Variants in PPP3R1 observed in about 807,000 individuals in gnomAD.
PPP3R1 encodes the protein calcineurin subunit B type 1.
A neutral mutation model predicts 22.6 loss-of-function variants in PPP3R1; 5 were observed. The ratio of observed to expected loss-of-function variants is 0.22; its 90% confidence interval spans 0.12 to 0.46. PPP3R1 has a LOEUF of 0.46. PPP3R1 is among the 20% of genes least tolerant of loss of function. The pLI is 0.99. For missense variants in PPP3R1, 61 were observed against 203.2 expected, an observed-to-expected ratio of 0.30 and a Z score of 4.25; for synonymous variants, 56 against 65.2, an observed-to-expected ratio of 0.86 and a Z score of 0.68.
chr2:68,181,185 C>G (rs1381871005), intron 5 of PPP3R1, among the ~76,000 whole-genome samples, 175 bp from the exon 6 acceptor site: 2 of 152,046 alleles, frequency 1.3e-5, no homozygotes, highest in African/African-American at 4.8e-5. Context: ...GTCAGGAGAT[C>G]GAGACCATCC....
intron 2 of PPP3R1, among the ~76,000 whole-genome samples, chr2:68,194,832 A>T (rs1422871588): frequency 1.3e-5 from 2 of 152,162 alleles, no homozygotes; most frequent in Non-Finnish European, 2.9e-5. Flanking sequence ...AGTAGAAAAA[A>T]GCAACAAGAC....
intron 1 of PPP3R1, among the ~76,000 whole-genome samples, chr2:68,247,871 C>G (rs1003363265): frequency 6.6e-6 from 1 of 152,192 alleles, no homozygotes. Flanking sequence ...ATCCTTCTGT[C>G]TCATATAAAT....
At chr2:68,190,810 T>C (rs957604130) in intron 2 of PPP3R1, among the ~76,000 whole-genome samples, 3 of 152,204 alleles carry the variant, frequency 2.0e-5, no homozygotes, top group Non-Finnish European at 4.4e-5. Flanking sequence ...GGCTCACTAC[T>C]GAATTTTAGA....
At chr2:68,209,957 T>C (rs1669445176) in intron 2 of PPP3R1, among the ~76,000 whole-genome samples, 1 of 151,982 alleles carries the variant, frequency 6.6e-6, no homozygotes, top group Admixed American at 6.6e-5. Context: ...ATGAAAGAAA[T>C]TGACAAGTGT....
intron 2 of PPP3R1, among the ~76,000 whole-genome samples, chr2:68,198,087 A>AAAAAAG (rs1674833047): frequency 7.5e-6 from 1 of 132,718 alleles, no homozygotes; most frequent in African/African-American, 2.8e-5. Context: ...AAAAAAAAAA[A>AAAAAAG]AAGCATATAT....
At position 68,194,674 on chromosome 2, in the gene PPP3R1, G is replaced by A. The variant is rs1236274737; in HGVS notation, c.44-5984C>T. Among the ~76,000 whole-genome samples, 3 of 152,202 alleles carry A rather than the reference G, an allele frequency of 2.0e-5. No individual in the cohort carries two copies. In the East Asian group the frequency reaches 5.8e-4, roughly 29 times the overall value. On this transcript the variant is annotated intron_variant, in intron 2 of 5. Coordinates refer to ENST00000234310, the MANE Select transcript of PPP3R1 (RefSeq NM_000945.4). Reference sequence around the variant, plus strand: ...ATACACACCAAGCTGCTATTCAACTGTTGGGATTAAAAGTAAAGACAACTT... The same window carrying A: ...ATACACACCAAGCTGCTATTCAACTATTGGGATTAAAAGTAAAGACAACTT...
intron 2 of PPP3R1, among the ~76,000 whole-genome samples, chr2:68,200,275 T>C (rs1674948078): frequency 6.6e-6 from 1 of 152,222 alleles, no homozygotes; most frequent in Admixed American, 6.5e-5. Flanking sequence ...ACTGATACTG[T>C]GATTGTGTTT....
At chr2:68,246,124 G>T (rs1670233308) in intron 1 of PPP3R1, among the ~76,000 whole-genome samples, 2 of 135,704 alleles carry the variant, frequency 1.5e-5, no homozygotes, top group South Asian at 4.6e-4. Context: ...GTCCAAGCTG[G>T]AGTGCACTGG....
intron 1 of PPP3R1, among the ~76,000 whole-genome samples, chr2:68,236,643 T>C (rs960004899): frequency 4.6e-5 from 7 of 152,178 alleles, no homozygotes; most frequent in Non-Finnish European, 1.0e-4. Flanking sequence ...ATACAGCTTT[T>C]ACTATTTAAG....
intron 1 of PPP3R1, among the ~76,000 whole-genome samples, chr2:68,250,436 G>C (rs1175786995): frequency 6.6e-6 from 1 of 152,134 alleles, no homozygotes; most frequent in East Asian, 1.9e-4. Context: ...ACAACAAAAG[G>C]CTAGATCATT....
chr2:68,181,366 C>G (rs1039049979), intron 5 of PPP3R1, among the ~76,000 whole-genome samples: 27 of 146,404 alleles, frequency 1.8e-4, no homozygotes, highest in African/African-American at 6.9e-4. Context: ...GCACTCCAGA[C>G]TGGGCAACAG....
intron 1 of PPP3R1, among the ~76,000 whole-genome samples, chr2:68,225,346 G>T (rs748557015): frequency 1.7e-4 from 26 of 152,190 alleles, no homozygotes; most frequent in Admixed American, 3.9e-4. Flanking sequence ...TCAACACAAG[G>T]GAAGTGGAGA....
chr2:68,181,362 C>T (rs1413006953), intron 5 of PPP3R1, among the ~76,000 whole-genome samples: 1 of 145,528 alleles, frequency 6.9e-6, no homozygotes, highest in Non-Finnish European at 1.5e-5. Flanking sequence ...CACTGCACTC[C>T]AGACTGGGCA....
At chr2:68,193,711 A>G (rs11898725) in intron 2 of PPP3R1, among the ~76,000 whole-genome samples, 3,527 of 152,200 alleles carry the variant, frequency 0.023, 117 homozygotes, top group African/African-American at 0.081. Context: ...TAGAGTATGA[A>G]ACAGAGTTTT....
chr2:68,222,870 A>G (rs549393346), intron 1 of PPP3R1, among the ~76,000 whole-genome samples: 2 of 152,380 alleles, frequency 1.3e-5, no homozygotes, highest in South Asian at 4.1e-4. Context: ...AAGAAAAAGC[A>G]AATGAGAAAA....
chr2:68,201,867 T>C (rs1370992256), intron 2 of PPP3R1, among the ~76,000 whole-genome samples: 2 of 152,242 alleles, frequency 1.3e-5, no homozygotes, highest in African/African-American at 4.8e-5. Flanking sequence ...TCCTATTCTT[T>C]TTAGGTAACA....
chr2:68,198,220 A>AT (rs1674846320), intron 2 of PPP3R1, among the ~76,000 whole-genome samples: 1 of 128,542 alleles, frequency 7.8e-6, no homozygotes, highest in South Asian at 2.9e-4. Flanking sequence ...ACATATATAC[A>AT]TTTTACATAT....
chr2:68,212,376 T>C (rs1205842259), intron 2 of PPP3R1, among the ~76,000 whole-genome samples: 1 of 152,218 alleles, frequency 6.6e-6, no homozygotes, highest in Non-Finnish European at 1.5e-5. Flanking sequence ...CCACTGTGCC[T>C]GGCCCTTTCC....
At chr2:68,209,358 CAAAAAAAAAAA>C (rs777851469) in intron 2 of PPP3R1, among the ~76,000 whole-genome samples, 18 of 41,688 alleles carry the variant, frequency 4.3e-4, no homozygotes, top group East Asian at 1.2e-3. Flanking sequence ...GACTCTGTCT[CAAAAAAAAAAA>C]AAAAAAAAAA....
Sources: gnomAD v4.1 joint callset for allele counts (sites outside exome capture counted in the v4.1 genomes callset) on GRCh38, gnomAD v4.1.1 for gene constraint, MANE v1.5 for transcripts, NCBI Gene and HGNC (gene_info 2026-07-23, HGNC 2026-07-21) for gene names.